TRIM33: variants seen among roughly 807,000 people sequenced by gnomAD.
TRIM33 encodes tripartite motif containing 33, also known as E3 ubiquitin-protein ligase TRIM33.
TRIM33 carries 20 observed loss-of-function variants against 125.4 expected under a neutral mutation model. The ratio of observed to expected loss-of-function variants is 0.16; its 90% CI spans 0.11 to 0.23. TRIM33 has a LOEUF of 0.23. Ranked by LOEUF, TRIM33 falls within the 10% of genes least tolerant of loss-of-function variation. TRIM33 has a pLI of 1.00. For synonymous variants in TRIM33, 564 were observed against 513.9 expected (o/e 1.10, Z -1.32); for missense variants, 920 against 1,411.4 (o/e 0.65, Z 5.58).
At chr1:114,430,413 T>G (rs1647872649) in intron 6 of TRIM33, among the ~76,000 whole-genome samples, 1 of 152,036 alleles carries the variant, frequency 6.6e-6, no homozygotes, top group African/African-American at 2.4e-5. Flanking sequence ...CTGGCTAATT[T>G]TTGTATTTTT....
At chr1:114,489,713 C>T (rs1651930507) in intron 1 of TRIM33, among the ~76,000 whole-genome samples, 2 of 151,880 alleles carry the variant, frequency 1.3e-5, no homozygotes, top group African/African-American at 4.8e-5. Flanking sequence ...CCACTGCACT[C>T]CAGCCTGGGG....
chr1:114,504,934 G>C (rs1652910499), intron 1 of TRIM33, among the ~76,000 whole-genome samples: 1 of 152,068 alleles, frequency 6.6e-6, no homozygotes. Context: ...TTTGCTGTGA[G>C]ATACAGTCAC....
chr1:114,424,895 C>T, intron 9 of TRIM33, 140 bp from the exon 10 acceptor site: 1 of 603,724 alleles, frequency 1.7e-6, no homozygotes, highest in Non-Finnish European at 2.6e-6. Flanking sequence ...TCGCTAGCCC[C>T]AATCCCCAGA....
intron 1 of TRIM33, among the ~76,000 whole-genome samples, chr1:114,485,506 G>C (rs1651628180): frequency 1.3e-5 from 2 of 152,172 alleles, no homozygotes; most frequent in South Asian, 4.1e-4. Context: ...GAATGAGTTA[G>C]CCCTACATTT....
chr1:114,437,062 A>G (rs1005380996), intron 4 of TRIM33, among the ~76,000 whole-genome samples: 1 of 152,240 alleles, frequency 6.6e-6, no homozygotes, highest in Non-Finnish European at 1.5e-5. Context: ...TCTAATTCAT[A>G]AAATTTAACC....
intron 1 of TRIM33, among the ~76,000 whole-genome samples, chr1:114,509,935 C>G (rs561683479): frequency 7.9e-5 from 12 of 152,296 alleles, no homozygotes; most frequent in East Asian, 5.8e-4. Flanking sequence ...GTTCATTTCT[C>G]CTTCATCCCC....
rs1334990666 is a variant in TRIM33 at position 114,394,767 on chromosome 1, A to T, written c.*2881T>A. On this transcript the variant is annotated 3_prime_UTR_variant, in exon 20 of 20. Coordinates refer to ENST00000358465, the MANE Select transcript of TRIM33 (RefSeq NM_015906.4). ...AACTTTCACATGCTTTGCCTCATAAAGCAATTCCTTCACTCAGTGAATTGG... is the reference window on the plus strand; with the variant it reads ...AACTTTCACATGCTTTGCCTCATAATGCAATTCCTTCACTCAGTGAATTGG... 1 of 201,156 alleles carries T rather than the reference A, an allele frequency of 5.0e-6. No homozygotes were observed. Among genetic ancestry groups the T allele is most frequent in the Non-Finnish European group, 1.0e-5 (1 of 97,594 alleles). 12.5% of individuals were successfully genotyped at this position (201,156 alleles called of 1,614,324 possible).
chr1:114,437,761 T>C (rs932999564), intron 4 of TRIM33, among the ~76,000 whole-genome samples: 1 of 152,192 alleles, frequency 6.6e-6, no homozygotes, highest in African/African-American at 2.4e-5. Flanking sequence ...AGTAAAACTT[T>C]TTGTGCTTCT....
chr1:114,437,095 AAAAT>A (rs1296472210), intron 4 of TRIM33, among the ~76,000 whole-genome samples: 1 of 152,236 alleles, frequency 6.6e-6, no homozygotes, highest in Non-Finnish European at 1.5e-5. Flanking sequence ...CCCTTATCCC[AAAAT>A]AAATATTTTT....
intron 10 of TRIM33, among the ~76,000 whole-genome samples, chr1:114,423,054 C>T (rs1422514467): frequency 1.3e-5 from 2 of 152,012 alleles, no homozygotes; most frequent in Admixed American, 6.5e-5. Flanking sequence ...ACATACATAA[C>T]CAGAAGCAGG....
chr1:114,466,470 C>G (rs1217539509), intron 1 of TRIM33, among the ~76,000 whole-genome samples: 1 of 152,136 alleles, frequency 6.6e-6, no homozygotes, highest in Non-Finnish European at 1.5e-5. Flanking sequence ...GACCTCTGAG[C>G]CCGTGGAAAA....
intron 6 of TRIM33, among the ~76,000 whole-genome samples, chr1:114,428,826 C>A (rs920415264): frequency 7.9e-5 from 12 of 151,736 alleles, no homozygotes; most frequent in African/African-American, 2.4e-4. Context: ...GGCGTATTTA[C>A]CATTAGGTAT....
chr1:114,463,016 C>A, intron 4 of TRIM33, 88 bp downstream of exon 4: 1 of 1,027,098 alleles, frequency 9.7e-7, no homozygotes, highest in Non-Finnish European at 1.4e-6. Context: ...AAGACACAAA[C>A]ATATAATCAA....
chr1:114,400,414 G>A (rs1434063728), intron 17 of TRIM33, among the ~76,000 whole-genome samples: 1 of 152,194 alleles, frequency 6.6e-6, no homozygotes, highest in Non-Finnish European at 1.5e-5. Context: ...ATGTTGGCCA[G>A]GCTGGTCTTG....
At chr1:114,500,763 A>T (rs943114530) in intron 1 of TRIM33, among the ~76,000 whole-genome samples, 3 of 152,166 alleles carry the variant, frequency 2.0e-5, no homozygotes, top group Admixed American at 2.0e-4. Flanking sequence ...AAAAGGAGGA[A>T]AAACTATTTT....
chr1:114,465,713 T>C (rs191554861), intron 1 of TRIM33, among the ~76,000 whole-genome samples: 200 of 152,210 alleles, frequency 1.3e-3, no homozygotes, highest in Non-Finnish European at 2.2e-3. Flanking sequence ...CTTATTAATA[T>C]TTCCTCTTTA....
chr1:114,461,558 A>C (rs1056330281), intron 4 of TRIM33, among the ~76,000 whole-genome samples: 44 of 152,072 alleles, frequency 2.9e-4, no homozygotes, highest in Admixed American at 3.3e-4. Context: ...GGAGAAAAAA[A>C]ACATTTTTTT....
chr1:114,486,481 C>T (rs1482431845), intron 1 of TRIM33, among the ~76,000 whole-genome samples: 6 of 141,622 alleles, frequency 4.2e-5, no homozygotes, highest in East Asian at 2.2e-4. Context: ...AAAAATTAGC[C>T]GGTGTCGTGG....
At chr1:114,463,348 C>A (rs1650102833) in intron 3 of TRIM33, 64 bp downstream of exon 3, 2 of 1,561,292 alleles carry the variant, frequency 1.3e-6, no homozygotes, top group East Asian at 4.5e-5. Flanking sequence ...GTAGAAAATT[C>A]TATAGGGGCA....
Sources: gnomAD v4.1 joint callset for allele counts (sites outside exome capture counted in the v4.1 genomes callset) on GRCh38, gnomAD v4.1.1 for gene constraint, MANE v1.5 for transcripts, NCBI Gene and HGNC (gene_info 2026-07-23, HGNC 2026-07-21) for gene names.